Variants in CACNA1C observed in about 807,000 individuals in gnomAD.
The protein encoded by CACNA1C is calcium voltage-gated channel subunit alpha1 C.
A neutral mutation model predicts 229.0 loss-of-function variants in CACNA1C; 30 were observed. The observed-to-expected ratio is 0.13, with a 90% confidence interval of 0.10 to 0.18. The LOEUF is 0.18. CACNA1C is among the 10% of genes least tolerant of loss of function. The probability of loss-of-function intolerance (pLI) is 1.00; values close to 1 mark genes in which losing one functional copy is unlikely to be tolerated. For missense variants in CACNA1C, 1,658 were observed against 2,845.0 expected (o/e 0.58, Z 9.49); for synonymous variants, 1,114 against 1,132.5 (o/e 0.98, Z 0.33).
intron 3 of CACNA1C, among the ~76,000 whole-genome samples, chr12:2,173,246 TAG>T (rs1270137283): frequency 6.6e-6 from 1 of 152,000 alleles, no homozygotes; most frequent in African/African-American, 2.4e-5. Flanking sequence ...GTCACAGAAT[TAG>T]AGAGTTACCA....
At chr12:2,186,676 T>C (rs192550782) in intron 3 of CACNA1C, among the ~76,000 whole-genome samples, 156 of 152,326 alleles carry the variant, frequency 1.0e-3, no homozygotes, top group African/African-American at 3.5e-3. Context: ...GACATCAGTT[T>C]AATCATAATG....
intron 15 of CACNA1C, among the ~76,000 whole-genome samples, chr12:2,584,260 C>T (rs986867245): frequency 3.3e-5 from 5 of 152,222 alleles, no homozygotes; most frequent in African/African-American, 9.6e-5. Context: ...GCCTCCCTCC[C>T]GCCTGCTCCA....
intron 3 of CACNA1C, among the ~76,000 whole-genome samples, chr12:2,447,237 T>G (rs530717252): frequency 5.9e-5 from 9 of 152,170 alleles, no homozygotes; most frequent in Non-Finnish European, 8.8e-5. Context: ...CTTTAAAAGA[T>G]TGGAGCTTCC....
chr12:2,025,449 C>T (rs1482635383), intron 1 of CACNA1C, among the ~76,000 whole-genome samples: 1 of 152,120 alleles, frequency 6.6e-6, no homozygotes, highest in African/African-American at 2.4e-5. Context: ...TCCAGCTCTG[C>T]ACTCTCTGCA....
intron 1 of CACNA1C, among the ~76,000 whole-genome samples, chr12:2,087,259 A>G (rs779649728): frequency 2.0e-5 from 3 of 152,188 alleles, no homozygotes; most frequent in Non-Finnish European, 2.9e-5. Context: ...TGCCATTGCC[A>G]GATGTGTTCC....
At chr12:2,599,034 C>T (rs1189388207) in intron 21 of CACNA1C, among the ~76,000 whole-genome samples, 1 of 152,154 alleles carries the variant, frequency 6.6e-6, no homozygotes, top group Admixed American at 6.5e-5. Context: ...GCACACAGAC[C>T]CCAGAGTTCT....
In CACNA1C at chr12:2,636,295, G is replaced by A. The variant is rs149448057; in HGVS notation, c.3912+1915G>A. 1.5e-3 allele frequency among the ~76,000 whole-genome samples: 235 copies of A among 152,294 alleles called. 1 individual carries two copies. The highest frequency in any genetic ancestry group is 0.01 in the Middle Eastern group (3 of 294). ...CCACTGCAGCTCTGGGGGTCCTATG[G>A]GTTCTTCCTACAGTCACCAAGGCCC... is the stretch of plus-strand genomic sequence containing the variant. On this transcript the variant is annotated intron_variant, in intron 30 of 46. Coordinates refer to ENST00000399655, the MANE Select transcript of CACNA1C (RefSeq NM_000719.7).
Position 2,606,595 on chromosome 12 carries a change from G to C in CACNA1C, c.3157-16G>C, listed in dbSNP as rs770629047. 17 of 1,595,934 alleles carry C rather than the reference G, an allele frequency of 1.1e-5. No individual in the cohort carries two copies. The highest frequency in any genetic ancestry group is 1.5e-5 in the Non-Finnish European group (17 of 1,170,658). ...GATTACTGAACATCTCTGATACTCTGTTCTCTGCCTTCCAGGGAAAGCTGT... is the reference window on the plus strand; with the variant it reads ...GATTACTGAACATCTCTGATACTCTCTTCTCTGCCTTCCAGGGAAAGCTGT... On this transcript the variant is annotated splice_polypyrimidine_tract_variant and intron_variant, in intron 24 of 46. Coordinates refer to ENST00000399655, the MANE Select transcript of CACNA1C (RefSeq NM_000719.7).
In CACNA1C at chr12:2,530,476, G is replaced by A. The variant is rs796951543; in HGVS notation, c.1390+17492G>A. ...TAAACTACAGAGATCTGTAGCAGTG[G>A]CCATCCTAAAGATTTCTTCTTGCCC... is the stretch of plus-strand genomic sequence containing the variant. On this transcript the variant is annotated intron_variant, in intron 9 of 46. Transcript: ENST00000399655. 3.3e-5 allele frequency among the ~76,000 whole-genome samples: 5 copies of A among 152,178 alleles called. No homozygotes were observed. The East Asian group carries it at 7.7e-4, about 23-fold the overall frequency.
chr12:2,015,233 C>T (rs760679178), intron 1 of CACNA1C, among the ~76,000 whole-genome samples: 1 of 152,194 alleles, frequency 6.6e-6, no homozygotes, highest in Non-Finnish European at 1.5e-5. Flanking sequence ...AAGGGGCACC[C>T]GTTGGGCTAC....
chr12:2,682,198 T>A, intron 42 of CACNA1C: 1 of 614,950 alleles, frequency 1.6e-6, no homozygotes, highest in Admixed American at 2.9e-5. Context: ...GGGGGCAGCC[T>A]CTAAGTTAGG....
intron 1 of CACNA1C, among the ~76,000 whole-genome samples, chr12:2,101,919 C>T (rs2076562373): frequency 1.3e-5 from 2 of 152,156 alleles, no homozygotes; most frequent in South Asian, 4.1e-4. Context: ...AGAACCCCTG[C>T]ATCATGGGAC....
intron 5 of CACNA1C, among the ~76,000 whole-genome samples, chr12:2,472,854 C>A (rs2099600553): frequency 6.6e-6 from 1 of 152,190 alleles, no homozygotes; most frequent in South Asian, 2.1e-4. Flanking sequence ...AGACAGTTTA[C>A]CATGAACGTG....
chr12:2,585,044 A>G lies in CACNA1C; in HGVS notation c.2340-332A>G, dbSNP rs1331126124. Among the ~76,000 whole-genome samples the G allele has an allele frequency of 1.3e-5, 2 of 152,172 alleles. No homozygotes were observed. Among genetic ancestry groups the G allele is most frequent in the Non-Finnish European group, 2.9e-5 (2 of 68,022 alleles). ...TATCCTATCATTATCTAGACGGGAC[A>G]GTTCCAGGCCACACAGCTGCCGGGC... is the stretch of plus-strand genomic sequence containing the variant. On this transcript the variant is annotated intron_variant, in intron 16 of 46. Coordinates refer to ENST00000399655, the MANE Select transcript of CACNA1C (RefSeq NM_000719.7). The surrounding 1 kb of genome is among the most constrained non-coding windows in gnomAD (Gnocchi z 4.1).
At chr12:2,381,980 G>A (rs1168485326) in intron 3 of CACNA1C, among the ~76,000 whole-genome samples, 1 of 152,198 alleles carries the variant, frequency 6.6e-6, no homozygotes, top group Non-Finnish European at 1.5e-5. Context: ...TTCAAAGCAA[G>A]TGCTGCCTCC....
intron 3 of CACNA1C, among the ~76,000 whole-genome samples, chr12:2,430,395 G>A (rs1350892265): frequency 2.0e-5 from 3 of 152,152 alleles, no homozygotes; most frequent in African/African-American, 4.8e-5. Flanking sequence ...TCAATGTGTT[G>A]CCTGAGGATC....
chr12:2,337,734 C>T (rs996345536), intron 3 of CACNA1C, among the ~76,000 whole-genome samples: 1 of 152,202 alleles, frequency 6.6e-6, no homozygotes. Context: ...TTATCATGTG[C>T]GTTTCACTCA....
chr12:2,660,731 G>GGAGAATT (rs2095670231), intron 34 of CACNA1C: 1 of 152,208 alleles, frequency 6.6e-6, no homozygotes, highest in Admixed American at 6.6e-5. Context: ...GGCTGAGGCA[G>GGAGAATT]GAGAATTGCT....
In CACNA1C at chr12:2,666,803, T is replaced by A. The variant is rs1352330433; in HGVS notation, c.4623+21T>A. The A allele has an allele frequency of 6.8e-7, 1 of 1,476,558 alleles. No homozygotes were observed. The highest frequency in any genetic ancestry group is 1.8e-5 in the Admixed American group (1 of 54,556). The allele number at this position is 1,476,558 out of a possible 1,614,324, so 91.5% of individuals were successfully genotyped here. On this transcript the variant is annotated intron_variant, in intron 37 of 46. Transcript: ENST00000399655. This position sits in a 1 kb window ranked among gnomAD's most constrained non-coding sequence, Gnocchi z 5.3. ...GCAAAGTAAGAGATAACGGGGTTCA[T>A]GGGAGGGAGAGGGAAAATAGGGGAA...
Sources: allele counts gnomAD v4.1 joint callset (sites outside exome capture counted in the v4.1 genomes callset), GRCh38; gene constraint gnomAD v4.1.1; non-coding constraint Gnocchi (gnomAD v3.1); transcripts MANE v1.5; gene names NCBI Gene and HGNC (gene_info 2026-07-23, HGNC 2026-07-21).